The following TRPV4 variants were observed in gnomAD, a reference collection of about 807,000 sequenced individuals.
TRPV4 encodes transient receptor potential cation channel subfamily V member 4.
TRPV4 carries 58 observed loss-of-function variants against 84.1 expected under a neutral mutation model. That is an observed-to-expected ratio of 0.69 (90% CI 0.56 to 0.86). The LOEUF (loss-of-function observed/expected upper bound fraction) is 0.86. Ranked by LOEUF, TRPV4 falls within the 40% of genes least tolerant of loss-of-function variation. The probability of loss-of-function intolerance (pLI) is 0.00; values close to 1 mark genes in which losing one functional copy is unlikely to be tolerated. For synonymous variants in TRPV4, 489 were observed against 500.9 expected (o/e 0.98, Z 0.32); for missense variants, 879 against 1,181.1 (o/e 0.74, Z 3.75).
chr12:109,791,766 G>A (rs1890047247), intron 12 of TRPV4, among the ~76,000 whole-genome samples: 2 of 151,740 alleles, frequency 1.3e-5, no homozygotes, highest in South Asian at 4.2e-4. Context: ...TTACAGATGT[G>A]AGCCACTGCG....
chr12:109,830,773 A>G (rs1387905976), intron 1 of TRPV4, among the ~76,000 whole-genome samples: 1 of 152,196 alleles, frequency 6.6e-6, no homozygotes, highest in African/African-American at 2.4e-5. Flanking sequence ...TGTAGACCCC[A>G]TCCCCCTAGG....
At position 109,788,639 on chromosome 12, in the gene TRPV4, A is replaced by C. The variant is rs1889848704; in HGVS notation, c.1969T>G (p.Tyr657Asp). The change falls in exon 13 of 16, where the codon TAC becomes GAC. Residue 657 changes from tyrosine (Y) to aspartate (D), a missense_variant. Tyr to Asp is a radical substitution (Grantham distance 160). Around this residue, in one of 4 missense-constraint regions of TRPV4, gnomAD observed 242 missense variants for 355.3 expected, o/e 0.68. Transcript: ENST00000261740. ...EDQTNCTVPT[Y>D]PSCRDSETFS... ...GTCTCGCTGTCACGGCACGAGGGGT[A>C]AGTGGGCACTGTGCAGTTGGTCTGG... is the stretch of plus-strand genomic sequence containing the variant. 3.1e-6 allele frequency: 5 copies of C among 1,614,224 alleles called. No homozygotes were observed. The highest frequency in any genetic ancestry group is 4.2e-6 in the Non-Finnish European group (5 of 1,180,046).
intron 1 of TRPV4, among the ~76,000 whole-genome samples, chr12:109,820,540 T>TTTTTTTTTTTTTTC (rs1892057811): frequency 6.8e-6 from 1 of 147,438 alleles, no homozygotes; most frequent in East Asian, 2.0e-4. Flanking sequence ...TTTTTTTTTT[T>TTTTTTTTTTTTTTC]TGAGACGGAG....
At chr12:109,787,976 A>G (rs950567483) in intron 13 of TRPV4, among the ~76,000 whole-genome samples, 2 of 152,210 alleles carry the variant, frequency 1.3e-5, no homozygotes, top group African/African-American at 2.4e-5. Context: ...GCATGCTCAC[A>G]GTTGCTAGAA....
At chr12:109,788,334 C>A in intron 13 of TRPV4, 66 bp downstream of exon 13, 1 of 1,507,432 alleles carries the variant, frequency 6.6e-7, no homozygotes, top group South Asian at 1.2e-5. Context: ...GGAAGCCAGT[C>A]GGGTGGGTCT....
Position 109,793,832 on chromosome 12 carries a change from T to G in TRPV4, c.1584+98A>C. The G allele has an allele frequency of 1.0e-6, 1 of 980,192 alleles. No homozygotes were observed. The highest frequency in any genetic ancestry group is 2.0e-5 in the Admixed American group (1 of 49,758). The allele number at this position is 980,192 out of a possible 1,614,324, so 60.7% of individuals were successfully genotyped here. A position where few individuals can be genotyped will look rare whatever the true frequency, so the allele number is the denominator to read the frequency against. The stretch of plus-strand genomic sequence containing the variant: ...AGGAGGAAGGAAAGGAGAAGGACCA[T>G]TTGGAGGAGAGAGAAGAGAAAAAGA... On this transcript the variant is annotated intron_variant, in intron 9 of 15. Coordinates refer to ENST00000261740, the MANE Select transcript of TRPV4 (RefSeq NM_021625.5). The surrounding 1 kb of genome is among the most constrained non-coding windows in gnomAD (Gnocchi z 4.0).
chr12:109,800,951 C>G (rs1890747401), intron 4 of TRPV4, among the ~76,000 whole-genome samples, 193 bp from the exon 5 acceptor site: 1 of 152,240 alleles, frequency 6.6e-6, no homozygotes. Flanking sequence ...AGCAGAATCT[C>G]AAGCCTGAAG....
chr12:109,784,549 G>T, intron 14 of TRPV4, 112 bp from the exon 15 acceptor site: 4 of 1,530,208 alleles, frequency 2.6e-6, no homozygotes, highest in South Asian at 2.3e-5. Flanking sequence ...ACATAACAAG[G>T]CTGGGCGTGG....
chr12:109,825,284 A>G (rs934097989), intron 1 of TRPV4, among the ~76,000 whole-genome samples: 1 of 152,212 alleles, frequency 6.6e-6, no homozygotes, highest in African/African-American at 2.4e-5. Flanking sequence ...TCAAGCCTTC[A>G]GTGCAGTGCC....
chr12:109,832,574 T>A (rs1265634936), intron 1 of TRPV4: 1 of 152,284 alleles, frequency 6.6e-6, no homozygotes, highest in African/African-American at 2.4e-5. Flanking sequence ...CCACCTGGTG[T>A]GGTGGGAAGG....
intron 3 of TRPV4, among the ~76,000 whole-genome samples, chr12:109,805,704 A>G (rs897195476): frequency 6.6e-6 from 1 of 152,178 alleles, no homozygotes; most frequent in Non-Finnish European, 1.5e-5. Flanking sequence ...GGGCCCTGGC[A>G]CTTAATTAGT....
intron 3 of TRPV4, among the ~76,000 whole-genome samples, chr12:109,806,781 A>G (rs886963481): frequency 2.0e-5 from 3 of 148,218 alleles, no homozygotes; most frequent in African/African-American, 7.4e-5. Flanking sequence ...GGATTGCTTG[A>G]GGCCAGAAGT....
At chr12:109,788,157 T>C (rs746080322) in intron 13 of TRPV4, among the ~76,000 whole-genome samples, 1 of 152,242 alleles carries the variant, frequency 6.6e-6, no homozygotes, top group Non-Finnish European at 1.5e-5. Context: ...TCCTGTGAGC[T>C]GGACCACAAG....
chr12:109,788,570 T>C lies in TRPV4; in HGVS notation c.2038A>G (p.Met680Val), dbSNP rs114408421. Reference sequence around the variant, plus strand: ...CTGCTCAGCATCTCCAGGTCGCCCATGCCGATGGTCAGCTTAAACAGGTCC... The same window carrying C: ...CTGCTCAGCATCTCCAGGTCGCCCACGCCGATGGTCAGCTTAAACAGGTCC... Reference protein sequence around the residue: ...LLDLFKLTIGMGDLEMLSSTK... With the variant: ...LLDLFKLTIGVGDLEMLSSTK... Residue 680 changes from methionine to valine, a missense_variant, in exon 13 of 16, where the codon ATG becomes GTG. Physicochemically the swap from Met to Val is conservative, Grantham distance 21. Coordinates refer to ENST00000261740, the MANE Select transcript of TRPV4 (RefSeq NM_021625.5). The C allele has an allele frequency of 1.1e-5, 18 of 1,614,234 alleles. No homozygotes were observed. Among genetic ancestry groups the C allele is most frequent in the Non-Finnish European group, 1.5e-5 (18 of 1,180,034 alleles).
In TRPV4 at chr12:109,800,761, G is replaced by C; in HGVS notation, c.713-3C>G. 6.2e-7 allele frequency: 1 copy of C among 1,613,358 alleles called. No homozygotes were observed. ...GGCGATGTGCAGGGCTGTCTGACCTGGGGGCAGGGGACGGTCATCCAGGGT... is the reference window on the plus strand; with the variant it reads ...GGCGATGTGCAGGGCTGTCTGACCTCGGGGCAGGGGACGGTCATCCAGGGT... On this transcript the variant is annotated splice_region_variant and splice_polypyrimidine_tract_variant and intron_variant, in intron 4 of 15. Transcript: ENST00000261740.
intron 3 of TRPV4, among the ~76,000 whole-genome samples, chr12:109,806,873 GAA>G (rs533116934): frequency 0.078 from 7,283 of 93,706 alleles, 240 homozygotes; most frequent in South Asian, 0.2. Flanking sequence ...AAAAAAAAAA[GAA>G]AAAAAAAAAA....
At chr12:109,820,513 CCTATTTT>C (rs1387232510) in intron 1 of TRPV4, among the ~76,000 whole-genome samples, 4 of 106,728 alleles carry the variant, frequency 3.7e-5, no homozygotes, top group Non-Finnish European at 8.1e-5. Flanking sequence ...CTTCAGCTGC[CCTATTTT>C]TTTTTTTTTT....
intron 2 of TRPV4, among the ~76,000 whole-genome samples, chr12:109,812,915 A>G (rs1300579824): frequency 6.6e-6 from 1 of 152,172 alleles, no homozygotes; most frequent in African/African-American, 2.4e-5. Context: ...ATGGATCTAT[A>G]GATTGGATAG....
Position 109,783,606 on chromosome 12 carries a change from G to C in TRPV4, c.*15C>G. On this transcript the variant is annotated 3_prime_UTR_variant, in exon 16 of 16. Transcript: ENST00000261740. The surrounding 1 kb of genome is among the most constrained non-coding windows in gnomAD (Gnocchi z 4.6). ...GAAATGAGTGGGCAGAGAAGCTGGGGCTGGGCTGCAGTCCCTAGAGCGGGG... is the reference window on the plus strand; with the variant it reads ...GAAATGAGTGGGCAGAGAAGCTGGGCCTGGGCTGCAGTCCCTAGAGCGGGG... The C allele has an allele frequency of 6.2e-7, 1 of 1,610,394 alleles. No individual in the cohort carries two copies. The highest frequency in any genetic ancestry group is 8.5e-7 in the Non-Finnish European group (1 of 1,177,576).
Sources: allele counts gnomAD v4.1 joint callset (sites outside exome capture counted in the v4.1 genomes callset), GRCh38; gene constraint gnomAD v4.1.1; regional missense constraint gnomAD v4.1.1; non-coding constraint Gnocchi (gnomAD v3.1); transcripts MANE v1.5; gene names NCBI Gene and HGNC (gene_info 2026-07-23, HGNC 2026-07-21).